Variants in KIF26B observed in about 807,000 individuals in gnomAD.
The protein encoded by KIF26B is kinesin-like protein KIF26B.
KIF26B carries 63 observed loss-of-function variants against 151.2 expected under a neutral mutation model. That is an observed-to-expected ratio of 0.42 (90% confidence interval 0.34 to 0.51). The LOEUF (loss-of-function observed/expected upper bound fraction) is 0.51. KIF26B is among the 20% of genes least tolerant of loss of function. The probability of loss-of-function intolerance (pLI) is 0.07; values close to 1 mark genes in which losing one functional copy is unlikely to be tolerated. For missense variants in KIF26B, 2,813 were observed against 2,913.6 expected, an observed-to-expected ratio of 0.97 and a Z score of 0.79; for synonymous variants, 1,357 against 1,262.1, an observed-to-expected ratio of 1.08 and a Z score of -1.59.
intron 2 of KIF26B, among the ~76,000 whole-genome samples, chr1:245,253,889 C>A (rs535532787): frequency 3.2e-4 from 48 of 147,880 alleles, no homozygotes; most frequent in African/African-American, 1.0e-3. Flanking sequence ...TGCTCACTGC[C>A]AGCTCCACCT....
At chr1:245,523,607 C>T (rs777270852) in intron 4 of KIF26B, among the ~76,000 whole-genome samples, 4 of 152,174 alleles carry the variant, frequency 2.6e-5, no homozygotes, top group Non-Finnish European at 4.4e-5. Context: ...GGTGCCTTCT[C>T]GCTGTGTCTT....
At chr1:245,376,352 A>G (rs1191688666) in intron 3 of KIF26B, among the ~76,000 whole-genome samples, 2 of 152,254 alleles carry the variant, frequency 1.3e-5, no homozygotes, top group African/African-American at 4.8e-5. Flanking sequence ...GAGCAGGGGA[A>G]TGGGAAGATT....
intron 9 of KIF26B, among the ~76,000 whole-genome samples, chr1:245,627,195 C>T (rs986500766): frequency 4.6e-5 from 7 of 152,040 alleles, no homozygotes; most frequent in African/African-American, 1.7e-4. Flanking sequence ...TCTTTGTTTT[C>T]CAGTATTGCT....
intron 2 of KIF26B, among the ~76,000 whole-genome samples, chr1:245,255,105 A>AG (rs1189779493): frequency 1.3e-5 from 2 of 152,150 alleles, no homozygotes; most frequent in Non-Finnish European, 1.5e-5. Flanking sequence ...TAAAAAGATG[A>AG]GGTTAGCCTC....
intron 9 of KIF26B, among the ~76,000 whole-genome samples, chr1:245,626,286 GT>G (rs940985438): frequency 1.3e-5 from 2 of 150,998 alleles, no homozygotes; most frequent in African/African-American, 4.9e-5. Context: ...TCTCGTTTTA[GT>G]TTTTTTTTGA....
intron 3 of KIF26B, among the ~76,000 whole-genome samples, chr1:245,380,648 G>T (rs1673385018): frequency 6.6e-6 from 1 of 152,112 alleles, no homozygotes. Flanking sequence ...GACAGCGATG[G>T]GAGTCAAACA....
chr1:245,444,210 A>C (rs865794884), intron 4 of KIF26B, among the ~76,000 whole-genome samples: 15,383 of 137,414 alleles, frequency 0.11, 786 homozygotes, highest in African/African-American at 0.19. Context: ...CCTAGAGGAG[A>C]GGTCATCTCC....
chr1:245,610,358 G>A (rs980221717), intron 8 of KIF26B, among the ~76,000 whole-genome samples: 5 of 152,036 alleles, frequency 3.3e-5, no homozygotes, highest in African/African-American at 7.3e-5. Context: ...GTCCTCTTTC[G>A]TCTGCATCTG....
chr1:245,702,810 G>A lies in KIF26B; in HGVS notation c.*204G>A. ...GCAAACGTCAAACACCGTGGAAGGA[G>A]AAAAGGATGGGAAGCCCGAGGGGTG... On this transcript the variant is annotated 3_prime_UTR_variant, in exon 15 of 15. Coordinates refer to ENST00000407071, the MANE Select transcript of KIF26B (RefSeq NM_018012.4). The surrounding 1 kb of genome is among the most constrained non-coding windows in gnomAD (Gnocchi z 4.1). 1 of 530,020 alleles carries A rather than the reference G, an allele frequency of 1.9e-6. No individual in the cohort carries two copies. The highest frequency in any genetic ancestry group is 3.2e-6 in the Non-Finnish European group (1 of 314,900). 32.8% of individuals were successfully genotyped at this position (530,020 alleles called of 1,614,324 possible). A position where few individuals can be genotyped will look rare whatever the true frequency, so the allele number is the denominator to read the frequency against.
intron 6 of KIF26B, among the ~76,000 whole-genome samples, chr1:245,605,501 G>C (rs962715613): frequency 6.6e-6 from 1 of 152,234 alleles, no homozygotes; most frequent in African/African-American, 2.4e-5. Flanking sequence ...GATTAGAACA[G>C]TCCTGTTTCA....
intron 2 of KIF26B, among the ~76,000 whole-genome samples, chr1:245,238,634 G>A (rs1670157205): frequency 6.6e-6 from 1 of 152,148 alleles, no homozygotes; most frequent in Non-Finnish European, 1.5e-5. Flanking sequence ...GCAGAGACGG[G>A]TGGATCACTT....
In KIF26B at chr1:245,540,698, AAAC is replaced by A. The variant is rs1558206145; in HGVS notation, c.1167-68_1167-66del. On this transcript the variant is annotated intron_variant, in intron 4 of 14. Transcript: ENST00000407071. The surrounding 1 kb of genome is among the most constrained non-coding windows in gnomAD (Gnocchi z 4.6). ...AAAGAACGAGGGGTTGTTTAAGAGAAAACGAAGTAAGCCTAGCAGATCTGATCG... is the reference window on the plus strand; with the variant it reads ...AAAGAACGAGGGGTTGTTTAAGAGAAGAAGTAAGCCTAGCAGATCTGATCG... 7 of 1,425,648 alleles carry A rather than the reference AAAC, an allele frequency of 4.9e-6. No homozygotes were observed. Among genetic ancestry groups the A allele is most frequent in the Non-Finnish European group, 6.9e-6 (7 of 1,008,158 alleles). 88.3% of individuals were successfully genotyped at this position (1,425,648 alleles called of 1,614,324 possible).
intron 2 of KIF26B, among the ~76,000 whole-genome samples, chr1:245,240,354 C>T (rs12069307): frequency 2.0e-5 from 3 of 152,018 alleles, no homozygotes; most frequent in Admixed American, 6.6e-5. Flanking sequence ...GTTGATCAGT[C>T]GCACCTTAGT....
intron 2 of KIF26B, among the ~76,000 whole-genome samples, chr1:245,314,200 C>A (rs944507256): frequency 6.6e-6 from 1 of 152,168 alleles, no homozygotes; most frequent in Non-Finnish European, 1.5e-5. Context: ...GTAATCCCAG[C>A]ACTTTGGGAG....
chr1:245,687,555 C>A lies in KIF26B; in HGVS notation c.4572C>A (p.Ser1524Arg). ...CCCTGCCCGGTTTGGCCACCCAGAG[C>A]CCCGTGCATCCCAACAAAAGCGTCA... ...EMALPGLATQ[S>R]PVHPNKSVKS... The change falls in exon 12 of 15, where the codon AGC (serine) becomes AGA (arginine). Residue 1524 changes from serine (S) to arginine (R), a missense_variant. Coordinates refer to ENST00000407071, the MANE Select transcript of KIF26B (RefSeq NM_018012.4). The surrounding 1 kb of genome is among the most constrained non-coding windows in gnomAD (Gnocchi z 4.9). 6.4e-7 allele frequency: 1 copy of A among 1,565,172 alleles called. No homozygotes were observed. The highest frequency in any genetic ancestry group is 1.2e-5 in the South Asian group (1 of 84,794).
chr1:245,598,703 C>T (rs1715795), intron 5 of KIF26B, among the ~76,000 whole-genome samples: 23,730 of 151,970 alleles, frequency 0.16, 2,463 homozygotes, highest in African/African-American at 0.3. Context: ...TCTCCCTCAG[C>T]CCCATGATGC....
chr1:245,156,581 C>A lies in KIF26B; in HGVS notation c.363C>A (p.Pro121=). ...CCGGCAGCGGCGGCGGCTCCTCCCC[C>A]GGCTCGGACCGCGGCGTCTGGTGCG... ...PGSGSGGGSS[P]GSDRGVWCEN... is the part of the protein sequence containing the mutation. Residue 121 remains proline (P), a synonymous_variant, in exon 2 of 15, where the codon CCC becomes CCA. Transcript: ENST00000407071. 18 of 1,528,322 alleles carry A rather than the reference C, an allele frequency of 1.2e-5. No homozygotes were observed. The highest frequency in any genetic ancestry group is 1.6e-5 in the Non-Finnish European group (18 of 1,144,120). The allele number at this position is 1,528,322 out of a possible 1,614,324, so 94.7% of individuals were successfully genotyped here.
chr1:245,300,152 G>A (rs549992674), intron 2 of KIF26B, among the ~76,000 whole-genome samples: 3 of 152,334 alleles, frequency 2.0e-5, no homozygotes, highest in Admixed American at 1.3e-4. Context: ...GGCCCAGATC[G>A]TGACCTAACA....
intron 2 of KIF26B, among the ~76,000 whole-genome samples, chr1:245,336,389 G>A (rs939202653): frequency 2.0e-5 from 3 of 152,262 alleles, no homozygotes; most frequent in African/African-American, 4.8e-5. Flanking sequence ...CACCGTGCAA[G>A]ACAGGGGTCA....
Sources: gnomAD v4.1 joint callset for allele counts (sites outside exome capture counted in the v4.1 genomes callset) on GRCh38, gnomAD v4.1.1 for gene constraint, Gnocchi (gnomAD v3.1) non-coding constraint, MANE v1.5 for transcripts, NCBI Gene and HGNC (gene_info 2026-07-23, HGNC 2026-07-21) for gene names.